Variants in PI4KA observed in about 807,000 individuals in gnomAD.
The protein encoded by PI4KA is PI4-kinase alpha.
Under a neutral mutation model 271.4 loss-of-function variants are expected in PI4KA, and 122 were observed. The ratio of observed to expected loss-of-function variants is 0.45; its 90% CI spans 0.39 to 0.52. The LOEUF is 0.52. PI4KA is among the 20% of genes least tolerant of loss of function. PI4KA has a pLI of 0.00. For missense variants in PI4KA, 1,969 were observed against 2,769.1 expected, an observed-to-expected ratio of 0.71 and a Z score of 6.48; for synonymous variants, 1,041 against 1,078.8, an observed-to-expected ratio of 0.96 and a Z score of 0.69.
At chr22:20,830,420 C>T (rs142481676) in intron 3 of PI4KA, among the ~76,000 whole-genome samples, 480 of 152,266 alleles carry the variant, frequency 3.2e-3, no homozygotes, top group South Asian at 0.029. Flanking sequence ...CTTTTGTGAT[C>T]TTCGTTGGTT....
chr22:20,733,876 G>A (rs1333383550), intron 34 of PI4KA, 33 bp from the exon 35 acceptor site: 2 of 1,612,030 alleles, frequency 1.2e-6, no homozygotes, highest in South Asian at 1.1e-5. Context: ...GTTAGAGCAG[G>A]AGCCTGGCCT....
intron 32 of PI4KA, among the ~76,000 whole-genome samples, chr22:20,735,739 C>T (rs192546502): frequency 1.7e-3 from 254 of 152,318 alleles, no homozygotes; most frequent in African/African-American, 5.7e-3. Context: ...GAGCCCGGGG[C>T]GGGGCTCTGT....
rs1486860553 is a variant in PI4KA at position 20,708,019 on chromosome 22, G to A, written c.*28C>T. 9 of 1,580,238 alleles carry A rather than the reference G, an allele frequency of 5.7e-6. No homozygotes were observed. Among genetic ancestry groups the A allele is most frequent in the East Asian group, 4.5e-5 (2 of 44,726 alleles). ...TTGTGGGACAGCTTTGAGGGCACAT[G>A]GGGCAGAGGCCCTCGAAGGTCCCCT... On this transcript the variant is annotated 3_prime_UTR_variant, in exon 55 of 55. Transcript: ENST00000255882.
At chr22:20,764,702 A>G (rs1932341649) in intron 22 of PI4KA, 115 bp downstream of exon 22, 1 of 1,181,786 alleles carries the variant, frequency 8.5e-7, no homozygotes, top group Non-Finnish European at 1.2e-6. Context: ...GGTTTTTCAG[A>G]AAGTTTGCAT....
rs564166007 is a variant in PI4KA at position 20,754,840 on chromosome 22, T to C, written c.2792-1660A>G. On this transcript the variant is annotated intron_variant, in intron 23 of 54. Coordinates refer to ENST00000255882, the MANE Select transcript of PI4KA (RefSeq NM_058004.4). ...GCGTGCCACTGTAATCCCAGCTACTTGGGAGGCTGAGGCAGGAGAATCGCT... is the reference window on the plus strand; with the variant it reads ...GCGTGCCACTGTAATCCCAGCTACTCGGGAGGCTGAGGCAGGAGAATCGCT... Among the ~76,000 whole-genome samples the C allele has an allele frequency of 3.9e-5, 6 of 152,278 alleles. No homozygotes were observed. The South Asian group carries it at 1.2e-3, about 32-fold the overall frequency.
chr22:20,780,825 T>C (rs546472852), intron 19 of PI4KA, among the ~76,000 whole-genome samples: 2 of 147,232 alleles, frequency 1.4e-5, no homozygotes, highest in South Asian at 4.3e-4. Context: ...CACCCAGTTA[T>C]TAAGGGGCAG....
intron 22 of PI4KA, among the ~76,000 whole-genome samples, chr22:20,763,444 CTT>C (rs546470127): frequency 7.0e-5 from 10 of 143,432 alleles, no homozygotes; most frequent in Admixed American, 7.0e-5. Context: ...TTCTTTTTTT[CTT>C]TTTTTTTTTT....
chr22:20,839,580 C>T (rs1396224528), intron 1 of PI4KA, among the ~76,000 whole-genome samples: 2 of 152,174 alleles, frequency 1.3e-5, no homozygotes, highest in Admixed American at 6.5e-5. Context: ...GCCTGTAATC[C>T]CAGCACTTTG....
intron 36 of PI4KA, among the ~76,000 whole-genome samples, chr22:20,730,533 C>T (rs1927902427): frequency 6.6e-6 from 1 of 151,484 alleles, no homozygotes. Context: ...CCTCGGCCTC[C>T]CAAAGTGCTA....
chr22:20,804,240 G>C, intron 12 of PI4KA, 60 bp downstream of exon 12: 1 of 1,126,408 alleles, frequency 8.9e-7, no homozygotes, highest in Non-Finnish European at 1.4e-6. Context: ...CAGCAACAGC[G>C]TGACAAGAGG....
chr22:20,847,945 A>G (rs1406935774), intron 1 of PI4KA, among the ~76,000 whole-genome samples: 1 of 152,228 alleles, frequency 6.6e-6, no homozygotes, highest in African/African-American at 2.4e-5. Flanking sequence ...TATTGTTTAG[A>G]TGGCAATACA....
At chr22:20,746,779 G>A (rs759965410) in intron 29 of PI4KA, among the ~76,000 whole-genome samples, 3 of 152,182 alleles carry the variant, frequency 2.0e-5, no homozygotes, top group Non-Finnish European at 2.9e-5. Flanking sequence ...CAGTGACCTC[G>A]AGGAGAGTGC....
intron 19 of PI4KA, chr22:20,783,842 A>G: frequency 1.6e-6 from 2 of 1,241,892 alleles, no homozygotes; most frequent in Admixed American, 1.8e-5. Flanking sequence ...CTCAGGAATC[A>G]AGAGACTGTG....
chr22:20,772,263 G>T (rs117423110), intron 19 of PI4KA, among the ~76,000 whole-genome samples: 3 of 152,216 alleles, frequency 2.0e-5, no homozygotes, highest in African/African-American at 7.2e-5. Flanking sequence ...AACCAAGAGC[G>T]AACAGTGAGA....
chr22:20,820,316 G>A (rs1260656094), intron 5 of PI4KA, among the ~76,000 whole-genome samples: 1 of 152,146 alleles, frequency 6.6e-6, no homozygotes, highest in Non-Finnish European at 1.5e-5. Flanking sequence ...GGCCCAGAAG[G>A]GTGAAGTTAC....
intron 23 of PI4KA, among the ~76,000 whole-genome samples, chr22:20,753,508 CCT>C (rs1368202868): frequency 1.3e-5 from 2 of 152,222 alleles, no homozygotes; most frequent in African/African-American, 4.8e-5. Flanking sequence ...GTCTCCTACT[CCT>C]GTCCAATATG....
intron 42 of PI4KA, among the ~76,000 whole-genome samples, chr22:20,726,056 G>A (rs1927310274): frequency 6.6e-6 from 1 of 152,206 alleles, no homozygotes; most frequent in Non-Finnish European, 1.5e-5. Flanking sequence ...TTCTGAGAAT[G>A]AGAATAGACA....
rs367828826 is a variant in PI4KA at position 20,764,903 on chromosome 22, G to A, written c.2622C>T (p.Pro874=). 29 of 1,613,430 alleles carry A rather than the reference G, an allele frequency of 1.8e-5. No individual in the cohort carries two copies. Among genetic ancestry groups the A allele is most frequent in the Middle Eastern group, 1.6e-4 (1 of 6,084 alleles). The change falls in exon 22 of 55, where the codon CCC becomes CCT. Residue 874 remains proline, a synonymous_variant. Transcript: ENST00000255882. ...LRSTIINLLD[P]PPEVSALINK... ...TGATGAGTGCGGACACCTCGGGAGG[G>A]GGGTCCAGCAGGTTGATGATAGTGC...
intron 42 of PI4KA, among the ~76,000 whole-genome samples, chr22:20,724,860 T>C (rs1927161579): frequency 6.6e-6 from 1 of 151,808 alleles, no homozygotes; most frequent in East Asian, 1.9e-4. Flanking sequence ...GAAAATAATG[T>C]GGGAGGGGAG....
Sources: allele counts gnomAD v4.1 joint callset (sites outside exome capture counted in the v4.1 genomes callset), GRCh38; gene constraint gnomAD v4.1.1; transcripts MANE v1.5; gene names NCBI Gene and HGNC (gene_info 2026-07-23, HGNC 2026-07-21).